FOXP1: variants seen among roughly 807,000 people sequenced by gnomAD.
The protein encoded by FOXP1 is forkhead box protein P1.
FOXP1 carries 15 observed loss-of-function variants against 98.2 expected under a neutral mutation model. The ratio of observed to expected loss-of-function variants is 0.15; its 90% CI spans 0.10 to 0.24. The LOEUF is 0.24. Among genes scored for constraint, FOXP1 ranks in the 10% least tolerant of loss-of-function variants. The pLI is 1.00. For missense variants in FOXP1, 633 were observed against 848.5 expected (o/e 0.75, Z 3.15); for synonymous variants, 371 against 314.5 (o/e 1.18, Z -1.90).
intron 6 of FOXP1, among the ~76,000 whole-genome samples, chr3:71,140,717 C>A (rs1057169544): frequency 2.0e-5 from 3 of 152,054 alleles, no homozygotes; most frequent in Admixed American, 6.5e-5. Flanking sequence ...AGTAGGTATC[C>A]AAATACTGTG....
At chr3:71,522,673 C>A (rs1043761391) in intron 2 of FOXP1, among the ~76,000 whole-genome samples, 1 of 152,154 alleles carries the variant, frequency 6.6e-6, no homozygotes, top group African/African-American at 2.4e-5. Flanking sequence ...CCGTTCTGGG[C>A]CAATGCCAGC....
At chr3:71,339,567 TG>T (rs1413698783) in intron 4 of FOXP1, among the ~76,000 whole-genome samples, 1 of 152,244 alleles carries the variant, frequency 6.6e-6, no homozygotes, top group African/African-American at 2.4e-5. Flanking sequence ...ATTAAAAAAT[TG>T]GGCTCTAATT....
intron 2 of FOXP1, among the ~76,000 whole-genome samples, chr3:71,523,720 T>C (rs2043159382): frequency 6.6e-6 from 1 of 152,172 alleles, no homozygotes; most frequent in Admixed American, 6.5e-5. Flanking sequence ...ATTGTGTGAA[T>C]GGGTAAAAGT....
chr3:71,160,168 C>G (rs1393930775), intron 6 of FOXP1, among the ~76,000 whole-genome samples: 3 of 152,194 alleles, frequency 2.0e-5, no homozygotes, highest in Admixed American at 2.0e-4. Context: ...TTTCAATTGA[C>G]ACTGCCGTGT....
At chr3:71,178,416 G>A (rs1449805090) in intron 6 of FOXP1, among the ~76,000 whole-genome samples, 1 of 151,990 alleles carries the variant, frequency 6.6e-6, no homozygotes, top group Admixed American at 6.5e-5. Context: ...TGAGAGGCGT[G>A]AGCCATCGCG....
At chr3:71,109,968 C>CATCTT (rs776409508) in intron 7 of FOXP1, among the ~76,000 whole-genome samples, 1 of 152,152 alleles carries the variant, frequency 6.6e-6, no homozygotes, top group Non-Finnish European at 1.5e-5. Flanking sequence ...AAACTCAAGA[C>CATCTT]ATCTTCTTTA....
chr3:71,351,044 C>A (rs1359848781), intron 4 of FOXP1, among the ~76,000 whole-genome samples: 1 of 152,114 alleles, frequency 6.6e-6, no homozygotes, highest in Non-Finnish European at 1.5e-5. Flanking sequence ...GCAGGAAGAT[C>A]CAGATTCCAT....
chr3:71,145,117 T>C (rs1485869506), intron 6 of FOXP1, among the ~76,000 whole-genome samples: 1 of 152,238 alleles, frequency 6.6e-6, no homozygotes, highest in Non-Finnish European at 1.5e-5. Context: ...GGGGCAACTA[T>C]AAATACAGCT....
intron 7 of FOXP1, among the ~76,000 whole-genome samples, chr3:71,086,278 G>A (rs1576667059): frequency 6.6e-6 from 1 of 152,084 alleles, no homozygotes; most frequent in Non-Finnish European, 1.5e-5. Context: ...CTTGGCCAAG[G>A]GGCAAAAAGA....
intron 2 of FOXP1, among the ~76,000 whole-genome samples, chr3:71,531,336 C>T (rs2043829639): frequency 6.6e-6 from 1 of 152,204 alleles, no homozygotes. Flanking sequence ...CCGGCAGCAG[C>T]TCACAGCAAG....
At position 71,414,068 on chromosome 3, in the gene FOXP1, G is replaced by A. The variant is rs573029653; in HGVS notation, c.-167-54824C>T. Reference sequence around the variant, plus strand: ...CTCATGCTAAAGCCACCCACGGGTTGCTGGCCACCCAAGGCAAAGAAAAGC... The same window carrying A: ...CTCATGCTAAAGCCACCCACGGGTTACTGGCCACCCAAGGCAAAGAAAAGC... On this transcript the variant is annotated intron_variant, in intron 3 of 20. Transcript: ENST00000649528. Among the ~76,000 whole-genome samples the A allele has an allele frequency of 9.1e-4, 139 of 152,052 alleles. 1 individual carries two copies. The highest frequency in any genetic ancestry group is 3.2e-3 in the African/African-American group (134 of 41,460).
intron 13 of FOXP1, among the ~76,000 whole-genome samples, chr3:70,995,333 T>G (rs1025104128): frequency 1.1e-4 from 16 of 152,216 alleles, no homozygotes; most frequent in Admixed American, 8.5e-4. Context: ...TTCTAGTTCC[T>G]GTGTCTCTGT....
At chr3:71,023,421 A>C (rs1401467806) in intron 11 of FOXP1, among the ~76,000 whole-genome samples, 1 of 152,210 alleles carries the variant, frequency 6.6e-6, no homozygotes, top group Non-Finnish European at 1.5e-5. Context: ...GTTTCTAGAA[A>C]GCTGTTCTCT....
At chr3:71,208,926 G>A (rs2064253086) in intron 5 of FOXP1, among the ~76,000 whole-genome samples, 1 of 152,176 alleles carries the variant, frequency 6.6e-6, no homozygotes, top group South Asian at 2.1e-4. Flanking sequence ...ACATAGATCA[G>A]CTGCTGACCA....
intron 5 of FOXP1, among the ~76,000 whole-genome samples, chr3:71,221,160 T>A (rs2065350351): frequency 6.6e-6 from 1 of 152,160 alleles, no homozygotes. Flanking sequence ...TCCTGTTGGA[T>A]CAGCAGCTGC....
intron 3 of FOXP1, among the ~76,000 whole-genome samples, chr3:71,468,178 C>A (rs1340072595): frequency 1.3e-5 from 2 of 151,462 alleles, no homozygotes; most frequent in Non-Finnish European, 2.9e-5. Flanking sequence ...AAATACCTGT[C>A]CAAACATTTG....
At position 71,123,845 on chromosome 3, in the gene FOXP1, A is replaced by G. The variant is rs79960305; in HGVS notation, c.181-11208T>C. ...GCCCTGGTCCCTGGTCATTGGGGAT[A>G]AGGAAGATAATTAAAAATTGTAATG... is the stretch of plus-strand genomic sequence containing the variant. On this transcript the variant is annotated intron_variant, in intron 6 of 20. Transcript: ENST00000649528. Among the ~76,000 whole-genome samples the G allele has an allele frequency of 1.2e-3, 181 of 152,286 alleles. 5 individuals are homozygous for G. The East Asian group carries it at 0.033, about 27-fold the overall frequency.
intron 14 of FOXP1, among the ~76,000 whole-genome samples, chr3:70,981,191 CAAAAAA>C (rs71104406): frequency 0.042 from 2,518 of 59,888 alleles, 96 homozygotes; most frequent in African/African-American, 0.099. Flanking sequence ...CTCTTTCTAC[CAAAAAA>C]AAAAAAAAAA....
chr3:71,524,224 C>T (rs2043199961), intron 2 of FOXP1, among the ~76,000 whole-genome samples: 1 of 152,036 alleles, frequency 6.6e-6, no homozygotes, highest in Non-Finnish European at 1.5e-5. Flanking sequence ...TTCAGCCGGG[C>T]ATGGTGGTGT....
Sources: allele counts gnomAD v4.1 joint callset (sites outside exome capture counted in the v4.1 genomes callset), GRCh38; gene constraint gnomAD v4.1.1; transcripts MANE v1.5; gene names NCBI Gene and HGNC (gene_info 2026-07-23, HGNC 2026-07-21).